The following TMTC3 variants were observed in gnomAD, a reference collection of about 807,000 sequenced individuals.
TMTC3 encodes the protein protein O-mannosyl-transferase TMTC3.
Under a neutral mutation model 92.2 loss-of-function variants are expected in TMTC3, and 52 were observed. That is an observed-to-expected ratio of 0.56 (90% confidence interval 0.45 to 0.71). The LOEUF (loss-of-function observed/expected upper bound fraction) is 0.71. Among genes scored for constraint, TMTC3 ranks in the 30% least tolerant of loss-of-function variants. The pLI, the probability that TMTC3 is intolerant of heterozygous loss-of-function variation, is 0.00. For missense variants in TMTC3, 896 were observed against 1,057.1 expected (o/e 0.85, Z 2.11); for synonymous variants, 339 against 363.3 (o/e 0.93, Z 0.76).
intron 10 of TMTC3, among the ~76,000 whole-genome samples, chr12:88,186,914 A>G (rs1350817019): frequency 1.3e-5 from 2 of 152,126 alleles, no homozygotes; most frequent in East Asian, 3.9e-4. Context: ...CTTAATTCTA[A>G]GAGCATGATT....
At position 88,188,849 on chromosome 12, in the gene TMTC3, T is replaced by G; in HGVS notation, c.1439T>G (p.Ile480Ser). ...LQATHVQPDD[I>S]GAHMNVGRTY... The stretch of plus-strand genomic sequence containing the variant: ...GATTGTTTTAAAATTTTAGATGATA[T>G]TGGTGCCCATATGAATGTAGGAAGA... Residue 480 changes from isoleucine (I) to serine (S), a missense_variant, in exon 11 of 14, where the codon ATT (isoleucine) becomes AGT (serine). By Grantham distance (142) the Ile-to-Ser change is moderately radical. Transcript: ENST00000266712. The G allele has an allele frequency of 6.5e-7, 1 of 1,547,684 alleles. No homozygotes were observed. Among genetic ancestry groups the G allele is most frequent in the Non-Finnish European group, 8.8e-7 (1 of 1,132,472 alleles).
intron 1 of TMTC3, among the ~76,000 whole-genome samples, chr12:88,145,305 C>A (rs2040859187): frequency 6.6e-6 from 1 of 152,144 alleles, no homozygotes; most frequent in East Asian, 1.9e-4. Context: ...TTCCAGTTTC[C>A]TCATGTTGAA....
At chr12:88,147,091 A>G (rs2040885158) in intron 1 of TMTC3, among the ~76,000 whole-genome samples, 1 of 148,414 alleles carries the variant, frequency 6.7e-6, no homozygotes, top group Non-Finnish European at 1.5e-5. Context: ...TAAATTATTT[A>G]ATTTATTTTA....
At chr12:88,153,786 G>C (rs143307677) in intron 3 of TMTC3, among the ~76,000 whole-genome samples, 1 of 151,852 alleles carries the variant, frequency 6.6e-6, no homozygotes, top group East Asian at 1.9e-4. Flanking sequence ...CATGAATACA[G>C]TTCTTCGGTC....
intron 10 of TMTC3, among the ~76,000 whole-genome samples, chr12:88,180,558 A>C (rs980073476): frequency 3.9e-5 from 6 of 152,242 alleles, no homozygotes; most frequent in Admixed American, 3.9e-4. Context: ...GTCTGTGTCC[A>C]GAACAGGATT....
chr12:88,176,464 CA>C (rs2041260831), intron 10 of TMTC3, 145 bp downstream of exon 10: 1 of 577,840 alleles, frequency 1.7e-6, no homozygotes, highest in East Asian at 3.1e-5. Flanking sequence ...AACTGGATTA[CA>C]TATAACAGCC....
chr12:88,152,435 A>G (rs1160877310), intron 2 of TMTC3, among the ~76,000 whole-genome samples: 2 of 152,188 alleles, frequency 1.3e-5, no homozygotes, highest in African/African-American at 4.8e-5. Flanking sequence ...CCAACCTTCA[A>G]CATTTCAACC....
intron 4 of TMTC3, among the ~76,000 whole-genome samples, chr12:88,156,839 T>C (rs1268419007): frequency 8.1e-5 from 12 of 148,558 alleles, no homozygotes; most frequent in Non-Finnish European, 1.3e-4. Context: ...ACAAAAAGTG[T>C]CTTAGAAACT....
intron 12 of TMTC3, among the ~76,000 whole-genome samples, chr12:88,191,282 T>G (rs2041439579): frequency 6.6e-6 from 1 of 152,164 alleles, no homozygotes; most frequent in Admixed American, 6.5e-5. Context: ...TGTTCCGCCG[T>G]GCCTATTGAG....
intron 2 of TMTC3, among the ~76,000 whole-genome samples, chr12:88,151,045 A>G (rs1268744654): frequency 6.6e-6 from 1 of 152,120 alleles, no homozygotes; most frequent in Non-Finnish European, 1.5e-5. Flanking sequence ...ATTTAAAAGA[A>G]TGAAAACATA....
intron 13 of TMTC3, among the ~76,000 whole-genome samples, chr12:88,193,431 A>G (rs1233311045): frequency 1.3e-5 from 2 of 152,074 alleles, no homozygotes; most frequent in Non-Finnish European, 2.9e-5. Context: ...AGTGTATATG[A>G]TTTATAATCT....
In TMTC3 at chr12:88,160,869, T is replaced by C. The variant is rs1421447607; in HGVS notation, c.797+18T>C. 1 of 1,563,438 alleles carries C rather than the reference T, an allele frequency of 6.4e-7. No individual in the cohort carries two copies. The highest frequency in any genetic ancestry group is 2.0e-5 in the Admixed American group (1 of 50,550). On this transcript the variant is annotated intron_variant, in intron 6 of 13. Transcript: ENST00000266712. ...TTCACCAGGTATGAAATTCTGGTTC[T>C]TTGTTTTCTCCATTCTTTTTTTTAA...
chr12:88,183,860 A>G (rs1488859188), intron 10 of TMTC3, among the ~76,000 whole-genome samples: 2 of 152,108 alleles, frequency 1.3e-5, no homozygotes, highest in African/African-American at 2.4e-5. Context: ...GTACTTTTAT[A>G]TACTGTTTCT....
rs1046453063 is a variant in TMTC3 at position 88,175,727 on chromosome 12, A to G, written c.1321-481A>G. On this transcript the variant is annotated intron_variant, in intron 9 of 13. Transcript: ENST00000266712. ...TTAGTTCCTTGGCTAGGTGTCATCT[A>G]TCTGCAAGAACACTACGGCAATCTG... 3.3e-5 allele frequency among the ~76,000 whole-genome samples: 5 copies of G among 152,322 alleles called. No individual in the cohort carries two copies. The East Asian group carries it at 9.7e-4, about 29-fold the overall frequency.
At chr12:88,146,328 T>C (rs1592719173) in intron 1 of TMTC3, among the ~76,000 whole-genome samples, 1 of 152,142 alleles carries the variant, frequency 6.6e-6, no homozygotes, top group East Asian at 1.9e-4. Context: ...GCTTGAATAA[T>C]AATTTTTAAA....
intron 2 of TMTC3, among the ~76,000 whole-genome samples, chr12:88,149,910 A>G (rs1317006903): frequency 1.3e-5 from 2 of 152,106 alleles, no homozygotes; most frequent in East Asian, 3.8e-4. Context: ...CCTACCTTTG[A>G]TCTCCAGAGA....
chr12:88,164,189 CAAAAAAAAAAA>C (rs1008391943), intron 6 of TMTC3, among the ~76,000 whole-genome samples: 11 of 48,824 alleles, frequency 2.3e-4, no homozygotes, highest in Non-Finnish European at 3.1e-4. Context: ...GACTTTGTCT[CAAAAAAAAAAA>C]AAAAAAAAAA....
At chr12:88,180,959 T>C (rs983771521) in intron 10 of TMTC3, among the ~76,000 whole-genome samples, 2 of 152,174 alleles carry the variant, frequency 1.3e-5, no homozygotes, top group African/African-American at 4.8e-5. Flanking sequence ...GTGCCAATAG[T>C]GTTGCAGGAT....
intron 9 of TMTC3, among the ~76,000 whole-genome samples, chr12:88,175,443 A>C (rs1365507370): frequency 6.6e-6 from 1 of 152,100 alleles, no homozygotes; most frequent in Non-Finnish European, 1.5e-5. Flanking sequence ...ACTTAGCTTT[A>C]TTGGATTGCT....
Sources: gnomAD v4.1 joint callset for allele counts (sites outside exome capture counted in the v4.1 genomes callset) on GRCh38, gnomAD v4.1.1 for gene constraint, MANE v1.5 for transcripts, NCBI Gene and HGNC (gene_info 2026-07-23, HGNC 2026-07-21) for gene names.